Variants in TENM2 observed in about 807,000 individuals in gnomAD.
The protein encoded by TENM2 is teneurin transmembrane protein 2.
A neutral mutation model predicts 245.2 loss-of-function variants in TENM2; 52 were observed. The observed-to-expected ratio is 0.21, with a 90% confidence interval of 0.17 to 0.27. The LOEUF (loss-of-function observed/expected upper bound fraction) is 0.27. Among genes scored for constraint, TENM2 ranks in the 10% least tolerant of loss-of-function variants. TENM2 has a pLI of 1.00. For missense variants in TENM2, 3,046 were observed against 3,666.8 expected, an observed-to-expected ratio of 0.83 and a Z score of 4.37; for synonymous variants, 1,363 against 1,438.9, an observed-to-expected ratio of 0.95 and a Z score of 1.19.
intron 27 of TENM2, among the ~76,000 whole-genome samples, chr5:168,256,901 C>T (rs1208886643): frequency 2.6e-5 from 4 of 152,148 alleles, no homozygotes; most frequent in Non-Finnish European, 4.4e-5. Context: ...TCACAGTAGT[C>T]CCAGGGCAGA....
chr5:168,061,495 A>T (rs1790033734), intron 6 of TENM2, among the ~76,000 whole-genome samples: 1 of 152,192 alleles, frequency 6.6e-6, no homozygotes, highest in African/African-American at 2.4e-5. Flanking sequence ...TGCAACAGAG[A>T]TGCATTAATA....
intron 1 of TENM2, 114 bp downstream of exon 3, chr5:167,285,177 C>G (rs1428413686): frequency 4.1e-6 from 3 of 738,330 alleles, no homozygotes; most frequent in Non-Finnish European, 7.0e-6. Context: ...ATGTACCCTA[C>G]AGCAGACCCT....
chr5:167,816,604 A>C (rs988572507), intron 2 of TENM2, among the ~76,000 whole-genome samples: 2 of 152,196 alleles, frequency 1.3e-5, no homozygotes, highest in Non-Finnish European at 2.9e-5. Context: ...TTCTGCCGCC[A>C]GTGAGACACA....
chr5:167,377,533 A>T (rs1256061190), intron 2 of TENM2, among the ~76,000 whole-genome samples: 1 of 152,198 alleles, frequency 6.6e-6, no homozygotes, highest in Admixed American at 6.5e-5. Context: ...TCAATATTTT[A>T]CATATTCAAA....
intron 2 of TENM2, among the ~76,000 whole-genome samples, chr5:167,664,538 C>T (rs776462161): frequency 1.5e-4 from 23 of 152,234 alleles, no homozygotes; most frequent in South Asian, 4.1e-4. Flanking sequence ...TTTTCTCCTC[C>T]GACAAAACAA....
intron 2 of TENM2, among the ~76,000 whole-genome samples, chr5:167,524,046 G>T (rs1770944667): frequency 6.6e-6 from 1 of 152,124 alleles, no homozygotes; most frequent in South Asian, 2.1e-4. Context: ...GTTAGCCTAT[G>T]ATTCTTTTAT....
chr5:167,316,386 A>G (rs543663328), intron 1 of TENM2, among the ~76,000 whole-genome samples: 22 of 152,336 alleles, frequency 1.4e-4, no homozygotes, highest in African/African-American at 5.0e-4. Context: ...GCAGAGTTGT[A>G]CATGAGCAGA....
chr5:167,373,415 C>A (rs760939344), intron 1 of TENM2, among the ~76,000 whole-genome samples: 1 of 152,122 alleles, frequency 6.6e-6, no homozygotes, highest in Admixed American at 6.6e-5. Context: ...AATAGATATA[C>A]GTAGAGTGGG....
chr5:167,167,852 C>T, the TENM2 span, among the ~76,000 whole-genome samples: 1 of 152,002 alleles, frequency 6.6e-6, no homozygotes, highest in East Asian at 1.9e-4. Flanking sequence ...AATAATTGTC[C>T]CTCTTAGAAG....
At chr5:167,426,885 TCACTA>T (rs1314826230) in intron 2 of TENM2, among the ~76,000 whole-genome samples, 1 of 152,152 alleles carries the variant, frequency 6.6e-6, no homozygotes, top group African/African-American at 2.4e-5. Context: ...AACATTATTT[TCACTA>T]CAAAAACCTC....
chr5:167,755,947 C>T (rs1003055919), intron 2 of TENM2, among the ~76,000 whole-genome samples: 10 of 152,094 alleles, frequency 6.6e-5, no homozygotes, highest in East Asian at 1.9e-4. Context: ...TCTAGGGCAA[C>T]GTATGTTTTA....
At chr5:168,173,518 C>G (rs1480147998) in intron 13 of TENM2, among the ~76,000 whole-genome samples, 2 of 152,112 alleles carry the variant, frequency 1.3e-5, no homozygotes, top group Non-Finnish European at 2.9e-5. Flanking sequence ...TCATTCACCT[C>G]TTCCTAGTTG....
the TENM2 span, among the ~76,000 whole-genome samples, chr5:167,062,325 GGGTTAAA>G: frequency 6.6e-6 from 1 of 151,990 alleles, no homozygotes; most frequent in Non-Finnish European, 1.5e-5. Context: ...GCTGAGACGT[GGGTTAAA>G]GGTAGGTTGG....
At chr5:167,522,821 T>TA (rs5873039) in intron 2 of TENM2, among the ~76,000 whole-genome samples, 39 of 150,538 alleles carry the variant, frequency 2.6e-4, no homozygotes, top group Admixed American at 2.6e-4. Context: ...CTCTGCCCTA[T>TA]AAAAAAAAAA....
chr5:167,870,579 A>ATATATATATG (rs1329035969), intron 2 of TENM2, among the ~76,000 whole-genome samples: 1 of 133,228 alleles, frequency 7.5e-6, no homozygotes, highest in Non-Finnish European at 1.6e-5. Flanking sequence ...ATGTGTGTGT[A>ATATATATATG]TATATATATG....
Position 167,600,308 on chromosome 5 carries a change from G to A in TENM2, c.502+224835G>A, listed in dbSNP as rs114829286. ...ATGAAATTAAAGAAGATTGATTTGG[G>A]CAGCAAATTAGAACCTTTTTTTGTT... On this transcript the variant is annotated intron_variant, in intron 2 of 28. Coordinates refer to ENST00000518659, the Ensembl canonical transcript of TENM2. Among the ~76,000 whole-genome samples, 1,013 of 151,780 alleles carry A rather than the reference G, an allele frequency of 6.7e-3. 19 individuals carry two copies. Among genetic ancestry groups the A allele is most frequent in the African/African-American group, 0.024 (973 of 41,392 alleles).
chr5:167,133,136 G>A, the TENM2 span, among the ~76,000 whole-genome samples: 1 of 152,180 alleles, frequency 6.6e-6, no homozygotes, highest in African/African-American at 2.4e-5. Context: ...GGGGAAGAAG[G>A]GAGGGAAAAT....
chr5:167,920,281 C>T (rs1340472090), intron 3 of TENM2, among the ~76,000 whole-genome samples: 1 of 145,422 alleles, frequency 6.9e-6, no homozygotes, highest in Non-Finnish European at 1.5e-5. Context: ...CATCTGAGGT[C>T]AGGAGTTCTC....
intron 2 of TENM2, among the ~76,000 whole-genome samples, chr5:167,866,216 C>G (rs1419427262): frequency 6.6e-6 from 1 of 152,058 alleles, no homozygotes; most frequent in Non-Finnish European, 1.5e-5. Context: ...AGGTGTTTGC[C>G]AGCTGGGCGT....
Sources: allele counts gnomAD v4.1 joint callset (sites outside exome capture counted in the v4.1 genomes callset), GRCh38; gene constraint gnomAD v4.1.1; transcripts MANE v1.5; gene names NCBI Gene and HGNC (gene_info 2026-07-23, HGNC 2026-07-21).